Variants in LYN observed in about 807,000 individuals in gnomAD.
LYN encodes LYN proto-oncogene, Src family tyrosine kinase.
Under a neutral mutation model 65.0 loss-of-function variants are expected in LYN, and 12 were observed. That is an observed-to-expected ratio of 0.18 (90% CI 0.12 to 0.30). The LOEUF is 0.30. Ranked by LOEUF, LYN falls within the 10% of genes least tolerant of loss-of-function variation. LYN has a pLI of 1.00. For synonymous variants in LYN, 222 were observed against 221.2 expected, an observed-to-expected ratio of 1.00 and a Z score of -0.03; for missense variants, 380 against 623.2, an observed-to-expected ratio of 0.61 and a Z score of 4.16.
chr8:55,899,899 C>G (rs958271930), intron 1 of LYN, among the ~76,000 whole-genome samples: 1 of 152,168 alleles, frequency 6.6e-6, no homozygotes, highest in Non-Finnish European at 1.5e-5. Context: ...CCTCGGCCTC[C>G]CAAAGTGCTA....
At chr8:55,986,682 AAGGT>A (rs1353460342) in intron 10 of LYN, among the ~76,000 whole-genome samples, 1 of 152,146 alleles carries the variant, frequency 6.6e-6, no homozygotes, top group Non-Finnish European at 1.5e-5. Context: ...TTGAGCTATG[AAGGT>A]AGTCTAACAG....
At chr8:55,973,286 G>A (rs1001202770) in intron 10 of LYN, among the ~76,000 whole-genome samples, 16 of 152,290 alleles carry the variant, frequency 1.1e-4, no homozygotes, top group African/African-American at 3.4e-4. Flanking sequence ...AGTTCTGAAA[G>A]ACTTGTCTGA....
intron 1 of LYN, among the ~76,000 whole-genome samples, chr8:55,927,826 ACT>A (rs1806151535): frequency 6.6e-6 from 1 of 150,868 alleles, no homozygotes; most frequent in Admixed American, 6.6e-5. Context: ...ACAGAGCGAG[ACT>A]CTGTCCCAAG....
chr8:55,981,388 G>A lies in LYN; in HGVS notation c.1050+11595G>A, dbSNP rs28604369. Among the ~76,000 whole-genome samples the A allele has an allele frequency of 7.0e-3, 1,071 of 152,296 alleles. 12 individuals carry two copies. The highest frequency in any genetic ancestry group is 0.025 in the African/African-American group (1,034 of 41,548). ...TTGTATATAGTAGATGCTCAAAAATGCTTGTTGGATGACTATACTGGCCAC... is the reference window on the plus strand; with the variant it reads ...TTGTATATAGTAGATGCTCAAAAATACTTGTTGGATGACTATACTGGCCAC... On this transcript the variant is annotated intron_variant, in intron 10 of 12. Coordinates refer to ENST00000519728, the MANE Select transcript of LYN (RefSeq NM_002350.4).
intron 10 of LYN, chr8:55,980,428 A>G (rs1807886308): frequency 6.6e-6 from 1 of 152,318 alleles, no homozygotes; most frequent in African/African-American, 2.4e-5. Context: ...CTTAGTGCAG[A>G]CACCGGATGG....
chr8:55,955,631 T>A (rs1443678821), intron 8 of LYN, among the ~76,000 whole-genome samples: 1 of 152,246 alleles, frequency 6.6e-6, no homozygotes, highest in Non-Finnish European at 1.5e-5. Flanking sequence ...ACTTTCAAAA[T>A]GTTTTTATCA....
At chr8:55,967,224 C>T (rs55891909) in intron 9 of LYN, among the ~76,000 whole-genome samples, 28,438 of 148,074 alleles carry the variant, frequency 0.19, 2,763 homozygotes, top group Middle Eastern at 0.27. Flanking sequence ...TTTTGAAATA[C>T]ATATGCTTAA....
chr8:55,907,554 G>A (rs1453722820), intron 1 of LYN, among the ~76,000 whole-genome samples: 1 of 152,068 alleles, frequency 6.6e-6, no homozygotes, highest in African/African-American at 2.4e-5. Flanking sequence ...TTTCATTGTA[G>A]GTGCTTTTTT....
At chr8:55,923,026 G>T (rs1440635469) in intron 1 of LYN, among the ~76,000 whole-genome samples, 2 of 152,148 alleles carry the variant, frequency 1.3e-5, no homozygotes, top group African/African-American at 2.4e-5. Flanking sequence ...TCGCAAAACT[G>T]ACAGGGCTTG....
intron 10 of LYN, among the ~76,000 whole-genome samples, chr8:55,985,444 G>C (rs1808050364): frequency 6.6e-6 from 1 of 152,132 alleles, no homozygotes; most frequent in Admixed American, 6.5e-5. Context: ...TAAATAAAGA[G>C]GATAGCAAAT....
chr8:55,956,596 C>G (rs1436322750), intron 8 of LYN, among the ~76,000 whole-genome samples: 1 of 152,116 alleles, frequency 6.6e-6, no homozygotes, highest in Non-Finnish European at 1.5e-5. Context: ...GTAAATAGAA[C>G]TTTCTCCAAA....
At chr8:55,973,733 G>A (rs1807671747) in intron 10 of LYN, among the ~76,000 whole-genome samples, 1 of 152,202 alleles carries the variant, frequency 6.6e-6, no homozygotes, top group African/African-American at 2.4e-5. Context: ...TATCTCTGAA[G>A]TGCAAAAATT....
At chr8:55,973,297 G>A (rs1379854574) in intron 10 of LYN, among the ~76,000 whole-genome samples, 2 of 152,160 alleles carry the variant, frequency 1.3e-5, no homozygotes, top group African/African-American at 2.4e-5. Context: ...ACTTGTCTGA[G>A]CTCAAGTGTA....
intron 1 of LYN, among the ~76,000 whole-genome samples, chr8:55,914,885 G>T (rs911444990): frequency 6.6e-6 from 1 of 152,126 alleles, no homozygotes; most frequent in African/African-American, 2.4e-5. Flanking sequence ...CTAATGATGT[G>T]TTTCAGATGG....
chr8:55,958,885 C>A (rs891780620), intron 8 of LYN, among the ~76,000 whole-genome samples: 6 of 152,122 alleles, frequency 3.9e-5, no homozygotes, highest in African/African-American at 1.4e-4. Flanking sequence ...TTGTTTCTAC[C>A]TTTTGGCTAT....
chr8:55,940,839 C>G (rs1331197473), intron 1 of LYN, among the ~76,000 whole-genome samples: 1 of 152,120 alleles, frequency 6.6e-6, no homozygotes, highest in Non-Finnish European at 1.5e-5. Context: ...AGATGTGCAC[C>G]GTGTGTTGTT....
Position 56,010,579 on chromosome 8 carries a change from A to G in LYN, c.*469A>G, listed in dbSNP as rs1031430246. On this transcript the variant is annotated 3_prime_UTR_variant, in exon 13 of 13. Coordinates refer to ENST00000519728, the MANE Select transcript of LYN (RefSeq NM_002350.4). ...TGCTTTGGCTTACTTGTTTAAAAAA[A>G]AAAAAAAACTAATCCAACCTGTTAG... 2.1e-5 allele frequency: 5 copies of G among 232,890 alleles called. No individual in the cohort carries two copies. The South Asian group carries it at 8.6e-4, about 40-fold the overall frequency. The allele number at this position is 232,890 out of a possible 1,614,324, so 14.4% of individuals were successfully genotyped here.
chr8:55,967,277 C>T (rs1027432293), intron 9 of LYN, among the ~76,000 whole-genome samples: 2 of 147,472 alleles, frequency 1.4e-5, no homozygotes, highest in South Asian at 4.3e-4. Flanking sequence ...AGATTTAGTA[C>T]GGATTGTTCA....
At chr8:55,904,151 A>C (rs1470708) in intron 1 of LYN, among the ~76,000 whole-genome samples, 1 of 151,906 alleles carries the variant, frequency 6.6e-6, no homozygotes, top group African/African-American at 2.4e-5. Context: ...AAATAATAGC[A>C]GGACTTTAAT....
Sources: gnomAD v4.1 joint callset for allele counts (sites outside exome capture counted in the v4.1 genomes callset) on GRCh38, gnomAD v4.1.1 for gene constraint, MANE v1.5 for transcripts, NCBI Gene and HGNC (gene_info 2026-07-23, HGNC 2026-07-21) for gene names.